Variants in RSRC2 observed in about 807,000 individuals in gnomAD.
RSRC2 encodes arginine/serine-rich coiled-coil protein 2.
RSRC2 carries 5 observed loss-of-function variants against 61.3 expected under a neutral mutation model. The ratio of observed to expected loss-of-function variants is 0.08; its 90% CI spans 0.04 to 0.17. The LOEUF (loss-of-function observed/expected upper bound fraction) is 0.17, where lower values mean the gene tolerates loss of function less well. RSRC2 is among the 10% of genes least tolerant of loss of function. The probability of loss-of-function intolerance (pLI) is 1.00; values close to 1 mark genes in which losing one functional copy is unlikely to be tolerated. For missense variants in RSRC2, 381 were observed against 518.8 expected, an observed-to-expected ratio of 0.73 and a Z score of 2.58; for synonymous variants, 202 against 166.5, an observed-to-expected ratio of 1.21 and a Z score of -1.64.
chr12:122,508,267 G>A lies in RSRC2; in HGVS notation c.986C>T (p.Ala329Val). 6.2e-7 allele frequency: 1 copy of A among 1,614,146 alleles called. No homozygotes were observed. Among genetic ancestry groups the A allele is most frequent in the Non-Finnish European group, 8.5e-7 (1 of 1,180,020 alleles). ...CATTTTCCTTTTTTTCTCTTGTTCA[G>A]CAAATTTCATTGGATTAACAGCGGC... is the stretch of plus-strand genomic sequence containing the variant. ...NPAAVNPMKFAEQEKKRKMLW... is the reference protein window; with the variant it reads ...NPAAVNPMKFVEQEKKRKMLW... The change falls in exon 8 of 10, where the codon GCT becomes GTT. Residue 329 changes from alanine (A) to valine (V), a missense_variant. By Grantham distance (64) the Ala-to-Val change is moderately conservative. Transcript: ENST00000331738.
chr12:122,506,961 T>G, intron 8 of RSRC2, 38 bp from the exon 9 acceptor site: 2 of 1,187,218 alleles, frequency 1.7e-6, no homozygotes, highest in Non-Finnish European at 2.5e-6. Context: ...ATGTAAAATT[T>G]AAATATTTTT....
chr12:122,522,119 G>C, intron 2 of RSRC2, 24 bp downstream of exon 2: 1 of 1,598,660 alleles, frequency 6.3e-7, no homozygotes, highest in Non-Finnish European at 8.5e-7. Flanking sequence ...GCTGAGAGTT[G>C]TAACCACCTT....
Position 122,522,271 on chromosome 12 carries a change from G to C in RSRC2, c.35C>G (p.Ala12Gly). ...TCTATCTGGTGATGTCTTTTCTGGGGCTAGTCCATCTCGCTCTGTATCACT... is the reference window on the plus strand; with the variant it reads ...TCTATCTGGTGATGTCTTTTCTGGGCCTAGTCCATCTCGCTCTGTATCACT... ...AASDTERDGL[A>G]PEKTSPDRDK... The change falls in exon 2 of 10, where the codon GCC becomes GGC. Residue 12 changes from alanine (A) to glycine (G), a missense_variant. Physicochemically the swap from Ala to Gly is moderately conservative, Grantham distance 60. Around this residue, in one of 4 missense-constraint regions of RSRC2, gnomAD observed 266 missense variants for 270.5 expected, o/e 0.98. Transcript: ENST00000331738. The C allele has an allele frequency of 6.2e-7, 1 of 1,613,084 alleles. No homozygotes were observed. Among genetic ancestry groups the C allele is most frequent in the Non-Finnish European group, 8.5e-7 (1 of 1,179,576 alleles).
intron 1 of RSRC2, chr12:122,523,186 G>C (rs1433339017): frequency 6.6e-6 from 1 of 152,182 alleles, no homozygotes; most frequent in Non-Finnish European, 1.5e-5. Flanking sequence ...AATAACTTCA[G>C]TAAATAGCAC....
intron 6 of RSRC2, among the ~76,000 whole-genome samples, chr12:122,511,527 GTAAATAAAT>G: frequency 6.6e-6 from 1 of 152,210 alleles, no homozygotes; most frequent in African/African-American, 2.4e-5. Context: ...TGGTTAAGTA[GTAAATAAAT>G]TTATAGAATT....
chr12:122,522,461 G>T, intron 1 of RSRC2, 162 bp from the exon 2 acceptor site: 1 of 593,446 alleles, frequency 1.7e-6, no homozygotes, highest in Non-Finnish European at 2.7e-6. Context: ...TAATAAGGCT[G>T]AATGGCTTGA....
chr12:122,518,168 C>T (rs900071174), intron 4 of RSRC2, among the ~76,000 whole-genome samples: 2 of 151,994 alleles, frequency 1.3e-5, no homozygotes, highest in South Asian at 2.1e-4. Context: ...GGTGTGGTGG[C>T]GCATGTCTGT....
At chr12:122,522,549 A>G (rs1959377380) in intron 1 of RSRC2, 3 of 328,240 alleles carry the variant, frequency 9.1e-6, no homozygotes, top group Non-Finnish European at 1.7e-5. Flanking sequence ...TGATTTGTAT[A>G]ACTTTTAAAA....
chr12:122,519,275 A>G (rs1244274181), intron 3 of RSRC2: 8 of 430,464 alleles, frequency 1.9e-5, no homozygotes, highest in South Asian at 1.5e-4. Context: ...AATGATTTTT[A>G]AAGTTGAAAT....
intron 6 of RSRC2, among the ~76,000 whole-genome samples, chr12:122,514,324 G>C (rs1375549743): frequency 6.7e-6 from 1 of 150,012 alleles, no homozygotes; most frequent in Non-Finnish European, 1.5e-5. Context: ...GAGTGCAGTG[G>C]TGCGATCTTG....
intron 6 of RSRC2, 30 bp downstream of exon 6, chr12:122,515,075 T>C (rs1469611745): frequency 6.2e-7 from 1 of 1,601,698 alleles, no homozygotes; most frequent in Non-Finnish European, 8.5e-7. Flanking sequence ...AAAGGCGAAC[T>C]GGAACAAATG....
chr12:122,505,674 A>G lies in RSRC2; in HGVS notation c.1158T>C (p.Asp386=), dbSNP rs761834703. Residue 386 remains aspartate, a synonymous_variant, in exon 10 of 10, where the codon GAT becomes GAC. Transcript: ENST00000331738. ...GCTTCAGAGTCTTGTAACTTTCTTC[A>G]TCAACTGAGCTACATCCAGCTTCAT... ...SEDEAGCSSV[D]EESYKTLKQQ... is the part of the protein sequence containing the mutation. 4 of 1,613,960 alleles carry G rather than the reference A, an allele frequency of 2.5e-6. No individual in the cohort carries two copies. The highest frequency in any genetic ancestry group is 2.5e-6 in the Non-Finnish European group (3 of 1,179,976).
At chr12:122,515,045 A>C (rs186687655) in intron 6 of RSRC2, 60 bp downstream of exon 6, 1 of 1,555,452 alleles carries the variant, frequency 6.4e-7, no homozygotes, top group Non-Finnish European at 8.8e-7. Context: ...CATCTTATCC[A>C]CACAATTGAG....
chr12:122,515,850 G>A (rs182576278), intron 5 of RSRC2, among the ~76,000 whole-genome samples: 7 of 152,164 alleles, frequency 4.6e-5, no homozygotes, highest in Admixed American at 2.0e-4. Context: ...TTAGCCGTGC[G>A]TGATGCTGGG....
chr12:122,510,784 T>C (rs1248130140), intron 7 of RSRC2, among the ~76,000 whole-genome samples: 1 of 152,222 alleles, frequency 6.6e-6, no homozygotes, highest in Admixed American at 6.5e-5. Context: ...CAGTGGCTCA[T>C]GCCTGCAATC....
In RSRC2 at chr12:122,515,219, T is replaced by C; in HGVS notation, c.611A>G (p.Lys204Arg). 1 of 1,613,850 alleles carries C rather than the reference T, an allele frequency of 6.2e-7. No individual in the cohort carries two copies. The highest frequency in any genetic ancestry group is 8.5e-7 in the Non-Finnish European group (1 of 1,179,916). Residue 204 changes from lysine (K) to arginine (R), a missense_variant, in exon 6 of 10, where the codon AAG (lysine) becomes AGG (arginine). Lys to Arg is a conservative substitution (Grantham distance 26). This residue lies in a region of RSRC2 where 266 missense variants were observed against 270.5 expected (regional missense o/e 0.98). Transcript: ENST00000331738. ...TCTTCTCGGCTTTTCAATTCTCTTC[T>C]TTCTATCTCTGTAGTAAATCGTATT... ...SRTRSRSRDR[K>R]KRIEKPRRFS...
At chr12:122,513,797 TC>T in intron 6 of RSRC2, 2 of 985,292 alleles carry the variant, frequency 2.0e-6, no homozygotes, top group Middle Eastern at 5.2e-4. Flanking sequence ...GCAGTTTCTG[TC>T]AGGCTGGGTT....
In RSRC2 at chr12:122,508,002, C is replaced by A. The variant is rs564146082; in HGVS notation, c.1035+216G>T. The A allele has an allele frequency of 3.7e-5, 22 of 597,218 alleles. 1 individual carries two copies. The South Asian group carries it at 4.1e-4, about 11-fold the overall frequency. The allele number at this position is 597,218 out of a possible 1,614,324, so 37.0% of individuals were successfully genotyped here. ...TCTTTTCAGTAGAGACAGGGTTTTG[C>A]CATGTTGGCCAGGCTGGTCTTGGAC... On this transcript the variant is annotated intron_variant, in intron 8 of 9. Coordinates refer to ENST00000331738, the MANE Select transcript of RSRC2 (RefSeq NM_023012.6).
At position 122,515,195 on chromosome 12, in the gene RSRC2, C is replaced by T. The variant is rs755548216; in HGVS notation, c.635G>A (p.Arg212Lys). ...DRKKRIEKPR[R>K]FSRSLSRTPS... is the part of the protein sequence containing the mutation. ...AGTCCGGCTTAAACTTCTGCTAAAT[C>T]TTCTCGGCTTTTCAATTCTCTTCTT... The change falls in exon 6 of 10, where the codon AGA (arginine) becomes AAA (lysine). Residue 212 changes from arginine to lysine, a missense_variant. Arg to Lys is a conservative substitution (Grantham distance 26). Transcript: ENST00000331738. The T allele has an allele frequency of 1.9e-6, 3 of 1,614,074 alleles. No homozygotes were observed. The highest frequency in any genetic ancestry group is 2.5e-6 in the Non-Finnish European group (3 of 1,179,976).
Sources: allele counts gnomAD v4.1 joint callset (sites outside exome capture counted in the v4.1 genomes callset), GRCh38; gene constraint gnomAD v4.1.1; regional missense constraint gnomAD v4.1.1; transcripts MANE v1.5; gene names NCBI Gene and HGNC (gene_info 2026-07-23, HGNC 2026-07-21).